The following HS6ST3 variants were observed in gnomAD, a reference collection of about 807,000 sequenced individuals.
HS6ST3 encodes the protein heparan sulfate 6-O-sulfotransferase 3, also known as heparan-sulfate 6-O-sulfotransferase 3.
In HS6ST3, 12 loss-of-function variants were observed where a neutral mutation model predicts 36.7. The observed-to-expected ratio is 0.33, with a 90% CI of 0.21 to 0.53. The LOEUF is 0.53. Among genes scored for constraint, HS6ST3 ranks in the 20% least tolerant of loss-of-function variants. The pLI is 0.95. For missense variants in HS6ST3, 584 were observed against 640.9 expected, an observed-to-expected ratio of 0.91 and a Z score of 0.96; for synonymous variants, 240 against 257.5, an observed-to-expected ratio of 0.93 and a Z score of 0.65.
chr13:96,802,251 G>A (rs1328987964), intron 1 of HS6ST3, among the ~76,000 whole-genome samples: 1 of 152,102 alleles, frequency 6.6e-6, no homozygotes, highest in Non-Finnish European at 1.5e-5. Context: ...ATGGAAAGCT[G>A]GAAACCAGAA....
At chr13:96,464,696 C>T (rs2139494229) in intron 1 of HS6ST3, among the ~76,000 whole-genome samples, 1 of 152,182 alleles carries the variant, frequency 6.6e-6, no homozygotes, top group East Asian at 1.9e-4. Flanking sequence ...AATTTGATCA[C>T]CTACTGGAAG....
intron 1 of HS6ST3, among the ~76,000 whole-genome samples, chr13:96,105,580 G>A (rs1305997766): frequency 4.6e-5 from 7 of 152,160 alleles, no homozygotes; most frequent in Non-Finnish European, 1.0e-4. Flanking sequence ...AGCCCGGGAG[G>A]CGGAAGTTGC....
chr13:96,742,722 A>G (rs1876470920), intron 1 of HS6ST3, among the ~76,000 whole-genome samples: 1 of 152,142 alleles, frequency 6.6e-6, no homozygotes. Context: ...GTTTATTTCT[A>G]TAAAATAGAG....
intron 1 of HS6ST3, among the ~76,000 whole-genome samples, chr13:96,137,725 G>T (rs889066385): frequency 1.3e-5 from 2 of 152,146 alleles, no homozygotes; most frequent in Non-Finnish European, 2.9e-5. Context: ...CCTTTCTGCC[G>T]CCGTGGGCCA....
At chr13:96,290,191 C>T (rs1220590757) in intron 1 of HS6ST3, among the ~76,000 whole-genome samples, 2 of 152,010 alleles carry the variant, frequency 1.3e-5, no homozygotes, top group African/African-American at 2.4e-5. Context: ...CCCATTGCGA[C>T]GTTTCATGTT....
chr13:96,684,471 G>A lies in HS6ST3; in HGVS notation c.708-148019G>A, dbSNP rs61970560. Among the ~76,000 whole-genome samples, 1,057 of 152,098 alleles carry A rather than the reference G, an allele frequency of 6.9e-3. 8 individuals are homozygous for A. Among genetic ancestry groups the A allele is most frequent in the Non-Finnish European group, 0.01 (688 of 67,940 alleles). On this transcript the variant is annotated intron_variant, in intron 1 of 1. Transcript: ENST00000376705. Reference sequence around the variant, plus strand: ...AATATAAGTGGAATCAGGGCTAGGCGACTTATGTGTATAATTTTAGAGGCT... The same window carrying A: ...AATATAAGTGGAATCAGGGCTAGGCAACTTATGTGTATAATTTTAGAGGCT...
At chr13:96,560,970 C>A (rs1000659793) in intron 1 of HS6ST3, among the ~76,000 whole-genome samples, 2 of 152,092 alleles carry the variant, frequency 1.3e-5, no homozygotes, top group African/African-American at 4.8e-5. Flanking sequence ...CTGTCCAAAG[C>A]AATCTACAGA....
At chr13:96,490,184 A>C (rs1008752813) in intron 1 of HS6ST3, among the ~76,000 whole-genome samples, 1 of 152,190 alleles carries the variant, frequency 6.6e-6, no homozygotes, top group Non-Finnish European at 1.5e-5. Flanking sequence ...TGGATTCGGC[A>C]GCAGCTGAGT....
At chr13:96,450,273 A>G (rs1351599082) in intron 1 of HS6ST3, among the ~76,000 whole-genome samples, 1 of 152,182 alleles carries the variant, frequency 6.6e-6, no homozygotes, top group Non-Finnish European at 1.5e-5. Context: ...CCTATTTGAT[A>G]GACTGTTACT....
At chr13:96,420,031 A>G (rs764531240) in intron 1 of HS6ST3, among the ~76,000 whole-genome samples, 2 of 152,198 alleles carry the variant, frequency 1.3e-5, no homozygotes, top group Non-Finnish European at 1.5e-5. Flanking sequence ...ATTCATAAAA[A>G]TCCTGTATAT....
chr13:96,139,700 G>A (rs947137800), intron 1 of HS6ST3, among the ~76,000 whole-genome samples: 2 of 151,970 alleles, frequency 1.3e-5, no homozygotes, highest in Admixed American at 6.6e-5. Flanking sequence ...GGACTACAGT[G>A]TATGAAACAT....
chr13:96,505,745 G>T (rs1226808150), intron 1 of HS6ST3, among the ~76,000 whole-genome samples: 2 of 152,080 alleles, frequency 1.3e-5, no homozygotes, highest in African/African-American at 2.4e-5. Context: ...ACAGAGAAAA[G>T]ATATACATCT....
chr13:96,356,280 A>G (rs145395075), intron 1 of HS6ST3, among the ~76,000 whole-genome samples: 42 of 152,322 alleles, frequency 2.8e-4, no homozygotes, highest in Non-Finnish European at 5.7e-4. Flanking sequence ...TCCATGAATC[A>G]TAAATGTTCT....
intron 1 of HS6ST3, among the ~76,000 whole-genome samples, chr13:96,331,961 C>A (rs545264315): frequency 6.6e-6 from 1 of 152,368 alleles, no homozygotes; most frequent in East Asian, 1.9e-4. Flanking sequence ...CCGTCAGTCA[C>A]CCCTTTCTTT....
chr13:96,172,929 T>G (rs1401058119), intron 1 of HS6ST3, among the ~76,000 whole-genome samples: 2 of 152,242 alleles, frequency 1.3e-5, no homozygotes, highest in Non-Finnish European at 2.9e-5. Flanking sequence ...ATTTAAATCC[T>G]ATCAGCAGTA....
intron 1 of HS6ST3, among the ~76,000 whole-genome samples, chr13:96,475,575 T>C (rs1339982765): frequency 8.4e-5 from 12 of 142,572 alleles, no homozygotes; most frequent in African/African-American, 3.2e-4. Flanking sequence ...GGAATACAGC[T>C]CTGAGAAACT....
intron 1 of HS6ST3, among the ~76,000 whole-genome samples, chr13:96,468,926 A>G (rs927275628): frequency 6.6e-6 from 1 of 152,206 alleles, no homozygotes; most frequent in Non-Finnish European, 1.5e-5. Context: ...CTAATAAATA[A>G]TTTCAGCACC....
rs1203291032 is a variant in HS6ST3 at position 96,833,036 on chromosome 13, C to T, written c.1254C>T (p.Arg418=). The T allele has an allele frequency of 1.2e-6, 2 of 1,613,756 alleles. No homozygotes were observed. The highest frequency in any genetic ancestry group is 1.7e-6 in the Non-Finnish European group (2 of 1,180,012). The part of the protein sequence containing the change: ...YEYAKDLFQQ[R]YHHTKQLEHQ... ...ATGCAAAAGATCTCTTCCAGCAGCG[C>T]TACCACCACACCAAGCAGCTAGAGC... The change falls in exon 2 of 2, where the codon CGC becomes CGT. Residue 418 remains arginine, a synonymous_variant. Transcript: ENST00000376705.
At chr13:96,642,831 T>C (rs1290304677) in intron 1 of HS6ST3, among the ~76,000 whole-genome samples, 1 of 151,984 alleles carries the variant, frequency 6.6e-6, no homozygotes, top group Non-Finnish European at 1.5e-5. Context: ...ATGGTTTTCT[T>C]AAATTCTTTA....
Sources: gnomAD v4.1 joint callset for allele counts (sites outside exome capture counted in the v4.1 genomes callset) on GRCh38, gnomAD v4.1.1 for gene constraint, MANE v1.5 for transcripts, NCBI Gene and HGNC (gene_info 2026-07-23, HGNC 2026-07-21) for gene names.